Variants in CDH12 observed in about 807,000 individuals in gnomAD.
The protein encoded by CDH12 is cadherin-12.
Under a neutral mutation model 74.1 loss-of-function variants are expected in CDH12, and 41 were observed. The ratio of observed to expected loss-of-function variants is 0.55; its 90% CI spans 0.43 to 0.72. The LOEUF is 0.72. Ranked by LOEUF, CDH12 falls within the 30% of genes least tolerant of loss-of-function variation. CDH12 has a pLI of 0.00. For missense variants in CDH12, 945 were observed against 977.2 expected (o/e 0.97, Z 0.44); for synonymous variants, 399 against 355.0 (o/e 1.12, Z -1.39).
At chr5:21,893,859 A>AT (rs1005930414) in intron 6 of CDH12, among the ~76,000 whole-genome samples, 6 of 152,018 alleles carry the variant, frequency 3.9e-5, no homozygotes, top group East Asian at 1.9e-4. Flanking sequence ...TGCCAGTGAG[A>AT]TTTTTTTTCT....
chr5:22,413,320 C>T (rs184520650), intron 2 of CDH12, among the ~76,000 whole-genome samples: 9 of 151,906 alleles, frequency 5.9e-5, no homozygotes, highest in African/African-American at 2.2e-4. Context: ...AAGAACAAGG[C>T]AAAGATGTTG....
At chr5:22,206,994 A>T (rs1751258033) in intron 4 of CDH12, among the ~76,000 whole-genome samples, 1 of 151,168 alleles carries the variant, frequency 6.6e-6, no homozygotes, top group East Asian at 2.0e-4. Context: ...TGGATGGATC[A>T]CGAGGTCAGG....
At chr5:21,825,702 G>A (rs1264989554) in intron 8 of CDH12, among the ~76,000 whole-genome samples, 3 of 152,020 alleles carry the variant, frequency 2.0e-5, no homozygotes, top group Non-Finnish European at 4.4e-5. Flanking sequence ...TGACTTCCTT[G>A]CCACTAAAAT....
intron 1 of CDH12, among the ~76,000 whole-genome samples, chr5:22,765,993 G>T (rs1335799765): frequency 6.6e-6 from 1 of 151,824 alleles, no homozygotes; most frequent in Admixed American, 6.6e-5. Context: ...AATTTTAAAA[G>T]AAACTAAAAT....
At chr5:22,574,579 T>C (rs1185838160) in intron 1 of CDH12, among the ~76,000 whole-genome samples, 1 of 152,196 alleles carries the variant, frequency 6.6e-6, no homozygotes, top group African/African-American at 2.4e-5. Flanking sequence ...AATGACTCAA[T>C]ATTGATAAAC....
chr5:21,874,023 G>T (rs1751794854), intron 6 of CDH12, among the ~76,000 whole-genome samples: 1 of 152,152 alleles, frequency 6.6e-6, no homozygotes, highest in Non-Finnish European at 1.5e-5. Flanking sequence ...CATTTGGGTT[G>T]ATTTCATGTC....
At chr5:22,396,206 A>AT (rs1245663747) in intron 3 of CDH12, among the ~76,000 whole-genome samples, 1 of 152,014 alleles carries the variant, frequency 6.6e-6, no homozygotes, top group Non-Finnish European at 1.5e-5. Context: ...AAAATAAGCA[A>AT]TTTTTTCTGT....
chr5:22,044,120 A>G (rs1223114566), intron 5 of CDH12, among the ~76,000 whole-genome samples: 2 of 152,198 alleles, frequency 1.3e-5, no homozygotes, highest in Non-Finnish European at 2.9e-5. Flanking sequence ...AAAATTCTAA[A>G]AAGCTAAAGC....
At chr5:22,713,919 C>T (rs1346308854) in intron 1 of CDH12, among the ~76,000 whole-genome samples, 3 of 152,138 alleles carry the variant, frequency 2.0e-5, no homozygotes, top group African/African-American at 4.8e-5. Context: ...ACTATATTCC[C>T]ATCCTCATCC....
At chr5:22,033,839 A>G (rs1580144738) in intron 5 of CDH12, among the ~76,000 whole-genome samples, 3 of 152,248 alleles carry the variant, frequency 2.0e-5, no homozygotes, top group Admixed American at 6.5e-5. Flanking sequence ...ACTCTTCCTC[A>G]CAGAGCCCTG....
At chr5:22,398,597 C>G (rs571350300) in intron 3 of CDH12, among the ~76,000 whole-genome samples, 2 of 152,104 alleles carry the variant, frequency 1.3e-5, no homozygotes, top group African/African-American at 4.8e-5. Flanking sequence ...TGATAGAACA[C>G]GCATCCTCTT....
chr5:22,535,158 C>CTTTTTT (rs1428084818), intron 1 of CDH12, among the ~76,000 whole-genome samples: 1 of 75,398 alleles, frequency 1.3e-5, no homozygotes, highest in Non-Finnish European at 2.6e-5. Context: ...TTTTTTTTTT[C>CTTTTTT]TTTTTTTTTT....
chr5:22,025,146 A>G (rs1177567849), intron 5 of CDH12, among the ~76,000 whole-genome samples: 4 of 152,162 alleles, frequency 2.6e-5, no homozygotes, highest in Non-Finnish European at 4.4e-5. Context: ...AATCAGAATT[A>G]GAATTCTCAG....
intron 3 of CDH12, among the ~76,000 whole-genome samples, chr5:22,270,419 C>A (rs1048344561): frequency 6.6e-6 from 1 of 151,652 alleles, no homozygotes; most frequent in Non-Finnish European, 1.5e-5. Context: ...CATGGTGAAA[C>A]CCCATCTCTA....
At chr5:22,393,939 C>T (rs1326736896) in intron 3 of CDH12, among the ~76,000 whole-genome samples, 1 of 151,952 alleles carries the variant, frequency 6.6e-6, no homozygotes, top group Non-Finnish European at 1.5e-5. Context: ...GGTTTCCAAA[C>T]AAAATGTTAA....
intron 6 of CDH12, among the ~76,000 whole-genome samples, chr5:21,899,202 C>T (rs1002181643): frequency 1.3e-5 from 2 of 152,176 alleles, no homozygotes; most frequent in African/African-American, 2.4e-5. Context: ...CTCTCTGATG[C>T]TTTCAGAACA....
intron 4 of CDH12, among the ~76,000 whole-genome samples, chr5:22,130,064 T>A (rs1746099546): frequency 1.3e-5 from 2 of 151,312 alleles, no homozygotes; most frequent in African/African-American, 2.4e-5. Flanking sequence ...ATGATGAGTT[T>A]ATGGTAGGAA....
intron 3 of CDH12, among the ~76,000 whole-genome samples, chr5:22,299,957 T>C (rs148284262): frequency 1.5e-4 from 23 of 152,292 alleles, no homozygotes; most frequent in Non-Finnish European, 3.2e-4. Context: ...CTAAAGCATA[T>C]AGTAGGCTTT....
chr5:22,261,900 A>G (rs1196246359), intron 3 of CDH12, among the ~76,000 whole-genome samples: 2 of 151,996 alleles, frequency 1.3e-5, no homozygotes, highest in Non-Finnish European at 2.9e-5. Flanking sequence ...AACAAACCCA[A>G]TCTCAGTTTT....
Sources: gnomAD v4.1 joint callset for allele counts (sites outside exome capture counted in the v4.1 genomes callset) on GRCh38, gnomAD v4.1.1 for gene constraint, MANE v1.5 for transcripts, NCBI Gene and HGNC (gene_info 2026-07-23, HGNC 2026-07-21) for gene names.